Variants in INF2 observed in about 807,000 individuals in gnomAD.
INF2 encodes inverted formin 2.
A neutral mutation model predicts 123.5 loss-of-function variants in INF2; 43 were observed. That is an observed-to-expected ratio of 0.35 (90% CI 0.27 to 0.45). INF2 has a LOEUF of 0.45. Among genes scored for constraint, INF2 ranks in the 20% least tolerant of loss-of-function variants. The pLI is 1.00. For synonymous variants in INF2, 851 were observed against 745.0 expected, an observed-to-expected ratio of 1.14 and a Z score of -2.32; for missense variants, 1,453 against 1,682.7, an observed-to-expected ratio of 0.86 and a Z score of 2.39.
At chr14:104,714,098 G>C in intron 20 of INF2, 105 bp from the exon 21 acceptor site, 1 of 1,000,674 alleles carries the variant, frequency 1.0e-6, no homozygotes, top group Non-Finnish European at 1.4e-6. Flanking sequence ...TTCTGGGGAG[G>C]AGGTTTTGCA....
chr14:104,710,312 C>T, intron 13 of INF2, 124 bp downstream of exon 13: 1 of 691,150 alleles, frequency 1.4e-6, no homozygotes. Context: ...CTAAGGGTGC[C>T]AGCCTTCACC....
At position 104,713,624 on chromosome 14, in the gene INF2, T is replaced by C; in HGVS notation, c.3040+18T>C. On this transcript the variant is annotated intron_variant, in intron 20 of 22. Coordinates refer to ENST00000392634, the MANE Select transcript of INF2 (RefSeq NM_022489.4). ...AGAGCCTGGTAAGACCCTCTCCCACTGCCTCCTCATGGTCCCCTTGCCACT... is the reference window on the plus strand; with the variant it reads ...AGAGCCTGGTAAGACCCTCTCCCACCGCCTCCTCATGGTCCCCTTGCCACT... 1 of 1,610,038 alleles carries C rather than the reference T, an allele frequency of 6.2e-7. No homozygotes were observed. Among genetic ancestry groups the C allele is most frequent in the Non-Finnish European group, 8.5e-7 (1 of 1,178,322 alleles).
Position 104,711,133 on chromosome 14 carries a change from A to G in INF2, c.2365A>G (p.Thr789Ala). The G allele has an allele frequency of 6.3e-7, 1 of 1,579,224 alleles. No homozygotes were observed. The highest frequency in any genetic ancestry group is 8.6e-7 in the Non-Finnish European group (1 of 1,163,910). ...CAAGATCAGCACATTGCTGAAGCTCACGGAGACCAAGTCCCAGCAGAACCG... is the reference window on the plus strand; with the variant it reads ...CAAGATCAGCACATTGCTGAAGCTCGCGGAGACCAAGTCCCAGCAGAACCG... ...GFKISTLLKL[T>A]ETKSQQNRVT... The change falls in exon 15 of 23, where the codon ACG becomes GCG. Residue 789 changes from threonine (T) to alanine (A), a missense_variant. Thr to Ala is a moderately conservative substitution (Grantham distance 58, BLOSUM62 0). Coordinates refer to ENST00000392634, the MANE Select transcript of INF2 (RefSeq NM_022489.4).
chr14:104,685,874 G>A, upstream of INF2, among the ~76,000 whole-genome samples: 1 of 147,166 alleles, frequency 6.8e-6, no homozygotes, highest in Non-Finnish European at 1.5e-5. Flanking sequence ...TGGATGGGTG[G>A]GTGGATGGAT....
At chr14:104,681,897 C>T (rs1263163886) in intron 1 of INF2, among the ~76,000 whole-genome samples, 4 of 152,204 alleles carry the variant, frequency 2.6e-5, no homozygotes, top group East Asian at 3.9e-4. Flanking sequence ...GGCAGGAAAC[C>T]GGATGCAAGT....
Position 104,693,372 on chromosome 14 carries a change from T to G in INF2, c.-10+3633T>G, listed in dbSNP as rs190730915. 1.7e-3 allele frequency among the ~76,000 whole-genome samples: 252 copies of G among 152,278 alleles called. 1 individual carries two copies. The highest frequency in any genetic ancestry group is 5.5e-3 in the African/African-American group (227 of 41,554). Reference sequence around the variant, plus strand: ...AAGGCAGAGGCCCCCAGGCAGCCCTTGGTGGGCCAGAACTCAACCAGGAGC... The same window carrying G: ...AAGGCAGAGGCCCCCAGGCAGCCCTGGGTGGGCCAGAACTCAACCAGGAGC... On this transcript the variant is annotated intron_variant, in intron 1 of 22. Coordinates refer to ENST00000392634, the MANE Select transcript of INF2 (RefSeq NM_022489.4).
rs201203979 is a variant in INF2, at chr14:104,709,621, T to C, written c.2054T>C (p.Ile685Thr). ...CACATGCCGTTCTCCTCCTGGCAGA[T>C]TGAAAACCTGCGGGCATTCACAGAG... The part of the protein sequence containing the change: ...LLKLLPEKHE[I>T]ENLRAFTEER... The change falls in exon 12 of 23, where the codon ATT becomes ACT. Residue 685 changes from isoleucine to threonine, a missense_variant and splice_region_variant. This residue lies in a region of INF2 where 192 missense variants were observed against 274.4 expected (regional missense o/e 0.70). Coordinates refer to ENST00000392634, the MANE Select transcript of INF2 (RefSeq NM_022489.4). The C allele has an allele frequency of 1.9e-5, 30 of 1,612,272 alleles. No homozygotes were observed. In the African/African-American group the frequency reaches 4.0e-4, roughly 22 times the overall value.
chr14:104,712,525 T>A lies in INF2; in HGVS notation c.2582T>A (p.Val861Asp). The change falls in exon 17 of 23, where the codon GTC (valine) becomes GAC (aspartate). Residue 861 changes from valine (V) to aspartate (D), a missense_variant. This residue lies in a region of INF2 where 212 missense variants were observed against 266.2 expected (regional missense o/e 0.80). Transcript: ENST00000392634. ...ERKVSASVAE[V>D]QEQYTERLQA... ...AAGGTGTCTGCCTCCGTGGCCGAGG[T>A]CCAGGAGCAGTACACCGAGCGCCTC... 2 of 1,612,642 alleles carry A rather than the reference T, an allele frequency of 1.2e-6. No homozygotes were observed. Among genetic ancestry groups the A allele is most frequent in the Non-Finnish European group, 1.7e-6 (2 of 1,179,818 alleles).
intron 1 of INF2, chr14:104,700,985 GGAGCCTCCCGCTCCCCC>G (rs1336744710): frequency 1.9e-6 from 1 of 517,454 alleles, no homozygotes; most frequent in Non-Finnish European, 2.5e-6. Flanking sequence ...TCCAGCCAGG[GGAGCCTCCCGCTCCCCC>G]GAGTCCTCCC....
chr14:104,701,205 A>G (rs1408162460), intron 1 of INF2, among the ~76,000 whole-genome samples, 152 bp from the exon 2 acceptor site: 1 of 152,158 alleles, frequency 6.6e-6, no homozygotes, highest in Non-Finnish European at 1.5e-5. Flanking sequence ...ATAGTGGGGG[A>G]CACAGTGCTA....
At chr14:104,686,513 A>G (rs140772526), upstream of INF2, among the ~76,000 whole-genome samples, 252 of 152,016 alleles carry the variant, frequency 1.7e-3, no homozygotes, top group South Asian at 5.4e-3. Context: ...GAATGGGTGA[A>G]TGGGTACATA....
intron 5 of INF2, chr14:104,704,800 A>T (rs887478502): frequency 4.6e-5 from 7 of 152,226 alleles, no homozygotes; most frequent in Non-Finnish European, 8.8e-5. Flanking sequence ...AAAATTTTTT[A>T]AAAAAGAAAC....
chr14:104,703,395 C>T lies in INF2; in HGVS notation c.608C>T (p.Ala203Val). Residue 203 changes from alanine (A) to valine (V), a missense_variant, in exon 4 of 23, where the codon GCC (alanine) becomes GTC (valine). Around this residue, in one of 8 missense-constraint regions of INF2, gnomAD observed 251 missense variants for 349.4 expected, o/e 0.72. Transcript: ENST00000392634. ...YVVTLLSVIN[A>V]VILGPEDLRA... ...GTCACCCTGCTTAGCGTGATCAACGCCGTCATCTTGGGCCCCGAGGACCTG... is the reference window on the plus strand; with the variant it reads ...GTCACCCTGCTTAGCGTGATCAACGTCGTCATCTTGGGCCCCGAGGACCTG... 1 of 1,612,962 alleles carries T rather than the reference C, an allele frequency of 6.2e-7. No individual in the cohort carries two copies. Among genetic ancestry groups the T allele is most frequent in the Non-Finnish European group, 8.5e-7 (1 of 1,179,944 alleles).
At chr14:104,698,677 C>T (rs1889319896) in intron 1 of INF2, among the ~76,000 whole-genome samples, 2 of 152,326 alleles carry the variant, frequency 1.3e-5, no homozygotes, top group Middle Eastern at 3.4e-3. Flanking sequence ...GGTGTGTTTG[C>T]AGGTTCAGCC....
chr14:104,713,544 G>A lies in INF2; in HGVS notation c.2978G>A (p.Arg993His), dbSNP rs531849769. The change falls in exon 20 of 23, where the codon CGC becomes CAC. Residue 993 changes from arginine (R) to histidine (H), a missense_variant. By Grantham distance (29) the Arg-to-His change is conservative. This residue lies in a region of INF2 where 212 missense variants were observed against 266.2 expected (regional missense o/e 0.80). Coordinates refer to ENST00000392634, the MANE Select transcript of INF2 (RefSeq NM_022489.4). ...CAGCTGCGGAAGACAGCCCGGGGCC[G>A]CGGGGACACCGACGGGGGCAGCAAG... ...GFQLRKTARGRGDTDGGSKAA... is the reference protein window; with the variant it reads ...GFQLRKTARGHGDTDGGSKAA... 26 of 1,611,836 alleles carry A rather than the reference G, an allele frequency of 1.6e-5. No individual in the cohort carries two copies. Among genetic ancestry groups the A allele is most frequent in the South Asian group, 6.6e-5 (6 of 90,798 alleles).
At position 104,718,819 on chromosome 14, in the gene INF2, A is replaced by C. The variant is rs550078317; in HGVS notation, c.*26A>C. ...GGCCTCAGGCCCAGGCCCAAGGCCA[A>C]GTGAGAGAGCCCAGGCCACAGGACA... On this transcript the variant is annotated 3_prime_UTR_variant, in exon 23 of 23. Coordinates refer to ENST00000392634, the MANE Select transcript of INF2 (RefSeq NM_022489.4). 2.8e-5 allele frequency: 45 copies of C among 1,612,908 alleles called. No homozygotes were observed. In the South Asian group the frequency reaches 4.3e-4, roughly 15 times the overall value.
Position 104,682,414 on chromosome 14 carries a change from C to A in INF2, c.-104+832C>A, listed in dbSNP as rs188006817. 2.9e-4 allele frequency among the ~76,000 whole-genome samples: 44 copies of A among 152,306 alleles called. 1 individual carries two copies. Among genetic ancestry groups the A allele is most frequent in the African/African-American group, 1.1e-3 (44 of 41,572 alleles). ...GCATAGTGCCTGGGGCTAAGCAAAG[C>A]CAAGACTGGCAGATAAGGTGCCCCA... On this transcript the variant is annotated intron_variant, in intron 1 of 2. Coordinates refer to the INF2 transcript ENST00000674723.
chr14:104,714,800 G>A lies in INF2; in HGVS notation c.3638G>A (p.Arg1213Gln), dbSNP rs199801767. ...GGCACACTCCCCAGGGCCCGGGGCC[G>A]GGCCTCAAAGGGGACCGGGAAGCGA... ...GSGTLPRARG[R>Q]ASKGTGKRRK... The change falls in exon 21 of 23, where the codon CGG becomes CAG. Residue 1213 changes from arginine to glutamine, a missense_variant. By Grantham distance (43) the Arg-to-Gln change is conservative. Transcript: ENST00000392634. The A allele has an allele frequency of 1.2e-4, 188 of 1,595,222 alleles. No homozygotes were observed. The highest frequency in any genetic ancestry group is 9.8e-4 in the African/African-American group (73 of 74,128).
chr14:104,710,211 C>G, intron 13 of INF2, 23 bp downstream of exon 13: 1 of 1,517,020 alleles, frequency 6.6e-7, no homozygotes, highest in Non-Finnish European at 8.9e-7. Flanking sequence ...AAGCGGGGCA[C>G]GTGTGCAGGA....
Sources: gnomAD v4.1 joint callset for allele counts (sites outside exome capture counted in the v4.1 genomes callset) on GRCh38, gnomAD v4.1.1 for gene constraint, gnomAD v4.1.1 regional missense constraint, MANE v1.5 for transcripts, NCBI Gene and HGNC (gene_info 2026-07-23, HGNC 2026-07-21) for gene names.